The following TP63 variants were observed in gnomAD, a reference collection of about 807,000 sequenced individuals.
TP63 encodes tumor protein 63.
In TP63, 17 loss-of-function variants were observed where a neutral mutation model predicts 82.8. The ratio of observed to expected loss-of-function variants is 0.21; its 90% CI spans 0.14 to 0.31. The LOEUF (loss-of-function observed/expected upper bound fraction) is 0.31. Among genes scored for constraint, TP63 ranks in the 10% least tolerant of loss-of-function variants. The probability of loss-of-function intolerance (pLI) is 1.00; values close to 1 mark genes in which losing one functional copy is unlikely to be tolerated. For synonymous variants in TP63, 330 were observed against 321.7 expected, an observed-to-expected ratio of 1.03 and a Z score of -0.28; for missense variants, 648 against 895.3, an observed-to-expected ratio of 0.72 and a Z score of 3.52.
At chr3:189,888,569 A>G (rs1720699721) in intron 11 of TP63, among the ~76,000 whole-genome samples, 1 of 152,250 alleles carries the variant, frequency 6.6e-6, no homozygotes, top group South Asian at 2.1e-4. Flanking sequence ...ACTGCTACTC[A>G]CTAAAGTAGA....
chr3:189,704,773 AT>A (rs1718078648), intron 1 of TP63, among the ~76,000 whole-genome samples: 1 of 152,202 alleles, frequency 6.6e-6, no homozygotes, highest in Non-Finnish European at 1.5e-5. Context: ...CTCTCACTGA[AT>A]TTTGTTTCCT....
chr3:189,661,501 C>G (rs13321778), intron 1 of TP63, among the ~76,000 whole-genome samples: 44,884 of 151,936 alleles, frequency 0.3, 7,544 homozygotes, highest in Middle Eastern at 0.49. Context: ...ATTTTTGTGT[C>G]TATGTTCATC....
intron 10 of TP63, among the ~76,000 whole-genome samples, chr3:189,875,619 T>TATATAC (rs1553859739): frequency 3.9e-5 from 4 of 103,346 alleles, no homozygotes; most frequent in African/African-American, 1.6e-4. Context: ...TATATATATA[T>TATATAC]ATATATATAT....
At chr3:189,879,638 CT>C (rs1430751187) in intron 10 of TP63, among the ~76,000 whole-genome samples, 4 of 151,764 alleles carry the variant, frequency 2.6e-5, no homozygotes, top group Admixed American at 6.6e-5. Context: ...TTCTTCATTC[CT>C]TTTTTTTAAT....
At chr3:189,889,318 T>C in intron 11 of TP63, 22 bp from the exon 12 acceptor site, 1 of 1,614,176 alleles carries the variant, frequency 6.2e-7, no homozygotes, top group South Asian at 1.1e-5. Context: ...TAACCCTTTT[T>C]GTTCCTCCTG....
rs535137531 is a variant in TP63, at chr3:189,866,376, G to A, written c.767-306G>A. Among the ~76,000 whole-genome samples the A allele has an allele frequency of 4.7e-4, 72 of 152,080 alleles. 1 individual carries two copies. The highest frequency in any genetic ancestry group is 1.6e-3 in the African/African-American group (65 of 41,462). ...AGGAAGCTGGCAAAATTTCCTCCAC[G>A]ATGAGGTCAGAGATGTAGTTATAGA... is the stretch of plus-strand genomic sequence containing the variant. On this transcript the variant is annotated intron_variant, in intron 5 of 13. Coordinates refer to ENST00000264731, the MANE Select transcript of TP63 (RefSeq NM_003722.5).
chr3:189,796,351 C>G (rs968765864), intron 3 of TP63, among the ~76,000 whole-genome samples: 1 of 151,988 alleles, frequency 6.6e-6, no homozygotes, highest in Non-Finnish European at 1.5e-5. Flanking sequence ...TCCACAGCCT[C>G]CTTCATCACT....
chr3:189,612,156 G>C, the TP63 span, among the ~76,000 whole-genome samples: 14 of 151,986 alleles, frequency 9.2e-5, no homozygotes, highest in Admixed American at 2.0e-4. Flanking sequence ...CCAGGGTTCA[G>C]AAATTCTCTT....
chr3:189,837,322 TA>T (rs1331033608), intron 4 of TP63, among the ~76,000 whole-genome samples: 7 of 152,092 alleles, frequency 4.6e-5, no homozygotes, highest in Non-Finnish European at 1.0e-4. Context: ...ACCAGAAACT[TA>T]AGAGTTGTTA....
chr3:189,847,840 A>G (rs1715088256), intron 4 of TP63, among the ~76,000 whole-genome samples: 1 of 152,244 alleles, frequency 6.6e-6, no homozygotes, highest in Non-Finnish European at 1.5e-5. Context: ...TCTTTGCTTA[A>G]CTAAAAATAA....
intron 1 of TP63, among the ~76,000 whole-genome samples, chr3:189,664,341 C>T (rs921181187): frequency 6.6e-6 from 1 of 152,104 alleles, no homozygotes; most frequent in Admixed American, 6.6e-5. Context: ...CAGTACTATG[C>T]TCAAAATTAC....
chr3:189,730,774 A>G (rs1449910557), intron 1 of TP63, among the ~76,000 whole-genome samples: 1 of 151,928 alleles, frequency 6.6e-6, no homozygotes, highest in Non-Finnish European at 1.5e-5. Flanking sequence ...CTCTCTTACA[A>G]CTGCTGACAC....
In TP63 at chr3:189,828,879, A is replaced by G. The variant is rs112099300; in HGVS notation, c.579+20353A>G. On this transcript the variant is annotated intron_variant, in intron 4 of 13. Coordinates refer to ENST00000264731, the MANE Select transcript of TP63 (RefSeq NM_003722.5). ...CTAATAGTAGCTTAAAGAAAACGGAAGCATCTTTCACTTCAGTGTTTTGAG... is the reference window on the plus strand; with the variant it reads ...CTAATAGTAGCTTAAAGAAAACGGAGGCATCTTTCACTTCAGTGTTTTGAG... 4.0e-3 allele frequency among the ~76,000 whole-genome samples: 611 copies of G among 152,338 alleles called. 4 individuals are homozygous for G. Among genetic ancestry groups the G allele is most frequent in the African/African-American group, 0.014 (584 of 41,572 alleles).
At position 189,696,641 on chromosome 3, in the gene TP63, A is replaced by G. The variant is rs376778630; in HGVS notation, c.63-41099A>G. Among the ~76,000 whole-genome samples, 5 of 152,270 alleles carry G rather than the reference A, an allele frequency of 3.3e-5. No homozygotes were observed. In the South Asian group the frequency reaches 1.0e-3, roughly 32 times the overall value. The stretch of plus-strand genomic sequence containing the variant: ...ACTGTCAAACTGCTTTCCAAAGTAC[A>G]CATACAATTTTGCATTCTCACCAGC... On this transcript the variant is annotated intron_variant, in intron 1 of 13. Coordinates refer to ENST00000264731, the MANE Select transcript of TP63 (RefSeq NM_003722.5).
intron 3 of TP63, among the ~76,000 whole-genome samples, chr3:189,774,620 A>G (rs1187283357): frequency 6.6e-6 from 1 of 152,186 alleles, no homozygotes; most frequent in Non-Finnish European, 1.5e-5. Flanking sequence ...ATTTATAAAC[A>G]TTTCAACTCA....
intron 4 of TP63, among the ~76,000 whole-genome samples, chr3:189,815,931 G>T (rs960518962): frequency 6.6e-6 from 1 of 152,066 alleles, no homozygotes; most frequent in Non-Finnish European, 1.5e-5. Flanking sequence ...TACAGCAAAT[G>T]ACCTTTCTGC....
intron 1 of TP63, among the ~76,000 whole-genome samples, chr3:189,664,506 C>T (rs1399532575): frequency 6.6e-6 from 1 of 152,094 alleles, no homozygotes; most frequent in Admixed American, 6.6e-5. Flanking sequence ...ACATCTGAAT[C>T]CCACAGGAAC....
chr3:189,641,903 A>C (rs1210272790), intron 1 of TP63, among the ~76,000 whole-genome samples: 1 of 152,148 alleles, frequency 6.6e-6, no homozygotes, highest in Non-Finnish European at 1.5e-5. Context: ...TGATGCTTGG[A>C]GATAGCTAAC....
At chr3:189,743,811 A>G (rs1242241110) in intron 3 of TP63, among the ~76,000 whole-genome samples, 1 of 152,150 alleles carries the variant, frequency 6.6e-6, no homozygotes, top group Non-Finnish European at 1.5e-5. Context: ...TAGCCTGGAG[A>G]GGCTCCCTAA....
Sources: gnomAD v4.1 joint callset for allele counts (sites outside exome capture counted in the v4.1 genomes callset) on GRCh38, gnomAD v4.1.1 for gene constraint, MANE v1.5 for transcripts, NCBI Gene and HGNC (gene_info 2026-07-23, HGNC 2026-07-21) for gene names.